The following CFAP221 variants were observed in gnomAD, a reference collection of about 807,000 sequenced individuals.
The protein encoded by CFAP221 is cilia- and flagella-associated protein 221.
CFAP221 carries 97 observed loss-of-function variants against 113.1 expected under a neutral mutation model. The observed-to-expected ratio is 0.86, with a 90% CI of 0.73 to 1.02. CFAP221 has a LOEUF of 1.02. Ranked by LOEUF, CFAP221 falls within the 50% of genes least tolerant of loss-of-function variation. The pLI, the probability that CFAP221 is intolerant of heterozygous loss-of-function variation, is 0.00. For synonymous variants in CFAP221, 331 were observed against 354.4 expected, an observed-to-expected ratio of 0.93 and a Z score of 0.74; for missense variants, 1,025 against 1,013.4, an observed-to-expected ratio of 1.01 and a Z score of -0.16.
chr2:119,647,508 C>G (rs1687883437), intron 22 of CFAP221, among the ~76,000 whole-genome samples: 1 of 152,178 alleles, frequency 6.6e-6, no homozygotes, highest in African/African-American at 2.4e-5. Context: ...GCTACAGACA[C>G]AGCAGCAGAG....
At chr2:119,629,828 C>A in intron 16 of CFAP221, 47 bp from the exon 17 acceptor site, 2 of 1,434,974 alleles carry the variant, frequency 1.4e-6, no homozygotes, top group Non-Finnish European at 2.0e-6. Flanking sequence ...CATAGCCACT[C>A]TTGCTCAGTG....
intron 7 of CFAP221, among the ~76,000 whole-genome samples, chr2:119,598,621 TA>T (rs1280163417): frequency 6.6e-6 from 1 of 152,214 alleles, no homozygotes; most frequent in Non-Finnish European, 1.5e-5. Context: ...CTTCTCACTT[TA>T]AAAGCATGAA....
intron 22 of CFAP221, among the ~76,000 whole-genome samples, chr2:119,649,780 T>G (rs1035658454): frequency 6.6e-6 from 1 of 152,174 alleles, no homozygotes; most frequent in Admixed American, 6.5e-5. Flanking sequence ...GTTGTTTATC[T>G]TAGGATGTTG....
rs2104677547 is a variant in CFAP221, at chr2:119,605,307, G to A, written c.1133+18G>A. 6.3e-7 allele frequency: 1 copy of A among 1,576,744 alleles called. No homozygotes were observed. The highest frequency in any genetic ancestry group is 1.1e-5 in the South Asian group (1 of 90,076). On this transcript the variant is annotated intron_variant, in intron 11 of 23. Transcript: ENST00000413369. ...CTTAAGTGGTAAATATTGAGCAATTGTTTGTATCAAGTGTCAGTACAGTTA... is the reference window on the plus strand; with the variant it reads ...CTTAAGTGGTAAATATTGAGCAATTATTTGTATCAAGTGTCAGTACAGTTA...
At chr2:119,582,963 A>G (rs928534169) in intron 6 of CFAP221, among the ~76,000 whole-genome samples, 1 of 152,206 alleles carries the variant, frequency 6.6e-6, no homozygotes, top group Non-Finnish European at 1.5e-5. Flanking sequence ...TCTATTATTA[A>G]TTGTAACAAA....
At chr2:119,569,475 G>A (rs908766544) in intron 6 of CFAP221, among the ~76,000 whole-genome samples, 1 of 152,052 alleles carries the variant, frequency 6.6e-6, no homozygotes, top group Non-Finnish European at 1.5e-5. Flanking sequence ...GTATGCCTAA[G>A]TGTAGGGTTT....
chr2:119,591,847 CACA>C (rs990816782), intron 7 of CFAP221, among the ~76,000 whole-genome samples: 16 of 152,220 alleles, frequency 1.1e-4, no homozygotes, highest in African/African-American at 3.6e-4. Context: ...CTGCGGGTCC[CACA>C]ACACTGGTCT....
chr2:119,600,713 T>G (rs1459380500), intron 7 of CFAP221, among the ~76,000 whole-genome samples: 1 of 152,170 alleles, frequency 6.6e-6, no homozygotes, highest in Admixed American at 6.5e-5. Flanking sequence ...TGAGCCCACT[T>G]ATATTCAGAT....
In CFAP221 at chr2:119,652,056, A is replaced by T; in HGVS notation, c.2401A>T (p.Ile801Phe). The T allele has an allele frequency of 6.2e-7, 1 of 1,611,248 alleles. No individual in the cohort carries two copies. Among genetic ancestry groups the T allele is most frequent in the Admixed American group, 1.7e-5 (1 of 59,850 alleles). The part of the protein sequence containing the change: ...VEFPMLNYKD[I>F]RKEKEVKDQA... ...ATTCCCTATGTTGAACTACAAGGAC[A>T]TCAGGAAGGAGAAGTAAGTGGATGC... Residue 801 changes from isoleucine to phenylalanine, a missense_variant, in exon 23 of 24, where the codon ATC becomes TTC. Transcript: ENST00000413369.
intron 15 of CFAP221, 61 bp from the exon 16 acceptor site, chr2:119,627,588 ATATG>A (rs1368329677): frequency 6.7e-7 from 1 of 1,497,348 alleles, no homozygotes; most frequent in Non-Finnish European, 9.1e-7. Flanking sequence ...ATGCAAATAT[ATATG>A]GTGATTTCCC....
chr2:119,602,623 T>G, intron 8 of CFAP221: 2 of 985,388 alleles, frequency 2.0e-6, no homozygotes, highest in Non-Finnish European at 2.4e-6. Flanking sequence ...CAAAGCAGCC[T>G]AAGTCAACTG....
chr2:119,605,547 C>T (rs1253292692), intron 11 of CFAP221, among the ~76,000 whole-genome samples: 1 of 152,156 alleles, frequency 6.6e-6, no homozygotes, highest in African/African-American at 2.4e-5. Context: ...CTGCTGCTGG[C>T]ACCCCCTCAC....
intron 13 of CFAP221, among the ~76,000 whole-genome samples, 153 bp downstream of exon 13, chr2:119,611,895 G>A (rs538551436): frequency 6.6e-6 from 1 of 152,110 alleles, no homozygotes; most frequent in Non-Finnish European, 1.5e-5. Context: ...CCATGTTTTT[G>A]CAAGTAAAGC....
chr2:119,659,638 A>G (rs1419156153), downstream of CFAP221, among the ~76,000 whole-genome samples: 1 of 17,374 alleles, frequency 5.8e-5, no homozygotes. Flanking sequence ...AAGGGCTCCC[A>G]TGTGCTCCTC....
chr2:119,557,382 G>GT (rs1680883816), intron 3 of CFAP221: 1 of 152,324 alleles, frequency 6.6e-6, no homozygotes, highest in Non-Finnish European at 1.5e-5. Flanking sequence ...GCAGTTCCTA[G>GT]TGGGGAGGCT....
chr2:119,628,432 G>A (rs764932306), intron 16 of CFAP221, among the ~76,000 whole-genome samples: 1 of 151,860 alleles, frequency 6.6e-6, no homozygotes, highest in Non-Finnish European at 1.5e-5. Context: ...TAACCCTTAG[G>A]TTGTATTTAC....
At chr2:119,617,190 AC>A (rs1405569676) in intron 14 of CFAP221, among the ~76,000 whole-genome samples, 3 of 152,170 alleles carry the variant, frequency 2.0e-5, no homozygotes, top group Non-Finnish European at 4.4e-5. Context: ...CTCAGCCTGG[AC>A]TTGTGGCAGT....
In CFAP221 at chr2:119,651,995, A is replaced by G; in HGVS notation, c.2340A>G (p.Val780=). 6.2e-7 allele frequency: 1 copy of G among 1,613,088 alleles called. No individual in the cohort carries two copies. Among genetic ancestry groups the G allele is most frequent in the Non-Finnish European group, 8.5e-7 (1 of 1,179,496 alleles). The change falls in exon 23 of 24, where the codon GTA becomes GTG. Residue 780 remains valine, a synonymous_variant. Transcript: ENST00000413369. The part of the protein sequence containing the change: ...TVERELCEQN[V]EVMLTPEMIK... ...GCAGTGAGCTCTGTGAGCAGAATGTAGAAGTTATGTTGACTCCAGAAATGA... is the reference window on the plus strand; with the variant it reads ...GCAGTGAGCTCTGTGAGCAGAATGTGGAAGTTATGTTGACTCCAGAAATGA...
At chr2:119,562,207 G>A (rs1014626105) in intron 6 of CFAP221, 93 bp downstream of exon 6, 3 of 593,864 alleles carry the variant, frequency 5.1e-6, no homozygotes, top group Non-Finnish European at 7.5e-6. Context: ...CCTAATGGAA[G>A]TTCATCCTTC....
Sources: gnomAD v4.1 joint callset for allele counts (sites outside exome capture counted in the v4.1 genomes callset) on GRCh38, gnomAD v4.1.1 for gene constraint, MANE v1.5 for transcripts, NCBI Gene and HGNC (gene_info 2026-07-23, HGNC 2026-07-21) for gene names.